FRS2: variants seen among roughly 807,000 people sequenced by gnomAD.
FRS2 encodes FGFR signalling adaptor.
A neutral mutation model predicts 43.9 loss-of-function variants in FRS2; 8 were observed. The ratio of observed to expected loss-of-function variants is 0.18; its 90% CI spans 0.11 to 0.33. The LOEUF (loss-of-function observed/expected upper bound fraction) is 0.33. FRS2 is among the 10% of genes least tolerant of loss of function. The probability of loss-of-function intolerance (pLI) is 1.00; values close to 1 mark genes in which losing one functional copy is unlikely to be tolerated. For synonymous variants in FRS2, 219 were observed against 220.3 expected (o/e 0.99, Z 0.05); for missense variants, 534 against 627.6 (o/e 0.85, Z 1.59).
At position 69,495,095 on chromosome 12, in the gene FRS2, C is replaced by T. The variant is rs117010946; in HGVS notation, c.-261+24565C>T. On this transcript the variant is annotated intron_variant, in intron 1 of 8. Transcript: ENST00000549921. ...CGCTTCTAGGTTTTAATTCAGTATTCCCTGGTATCGATATGAGGACTAAAT... is the reference window on the plus strand; with the variant it reads ...CGCTTCTAGGTTTTAATTCAGTATTTCCTGGTATCGATATGAGGACTAAAT... 7.3e-3 allele frequency among the ~76,000 whole-genome samples: 1,104 copies of T among 152,138 alleles called. 8 individuals are homozygous for T. Among genetic ancestry groups the T allele is most frequent in the South Asian group, 0.019 (92 of 4,820 alleles).
intron 3 of FRS2, among the ~76,000 whole-genome samples, chr12:69,555,916 A>G (rs946934788): frequency 6.6e-6 from 1 of 151,232 alleles, no homozygotes; most frequent in Non-Finnish European, 1.5e-5. Flanking sequence ...AAATGCAGAA[A>G]CATTTAAATG....
At chr12:69,484,998 C>G (rs1871702498) in intron 1 of FRS2, among the ~76,000 whole-genome samples, 1 of 150,866 alleles carries the variant, frequency 6.6e-6, no homozygotes, top group Non-Finnish European at 1.5e-5. Context: ...GTGGTCCCAG[C>G]TACTTGAGAG....
chr12:69,517,741 A>G (rs1875200267), intron 1 of FRS2, among the ~76,000 whole-genome samples: 1 of 152,178 alleles, frequency 6.6e-6, no homozygotes, highest in Non-Finnish European at 1.5e-5. Flanking sequence ...TATGTTATAC[A>G]TGTATTAAGC....
intron 4 of FRS2, among the ~76,000 whole-genome samples, chr12:69,567,553 A>G (rs1057051806): frequency 1.3e-5 from 2 of 151,582 alleles, no homozygotes; most frequent in East Asian, 3.9e-4. Context: ...ATAAACAGAT[A>G]CCTGCCACAA....
intron 1 of FRS2, among the ~76,000 whole-genome samples, chr12:69,507,750 C>T (rs971613473): frequency 2.6e-5 from 4 of 152,094 alleles, no homozygotes; most frequent in African/African-American, 9.7e-5. Flanking sequence ...TGCAGCCGGG[C>T]CCGGTGGCTC....
At chr12:69,531,052 G>T (rs573509990) in intron 2 of FRS2, 92 bp downstream of exon 2, 1 of 151,680 alleles carries the variant, frequency 6.6e-6, no homozygotes, top group Admixed American at 6.6e-5. Flanking sequence ...TAGACAGGCT[G>T]GGCATGGTGG....
At position 69,472,071 on chromosome 12, in the gene FRS2, T is replaced by C. The variant is rs547133380; in HGVS notation, c.-261+1541T>C. On this transcript the variant is annotated intron_variant, in intron 1 of 8. Coordinates refer to ENST00000549921, the MANE Select transcript of FRS2 (RefSeq NM_001278356.2). ...AGAGATTAGCTGCACAACTTTTCTTTTTCCTCTTCCTTTCTTTTCTTTTTT... is the reference window on the plus strand; with the variant it reads ...AGAGATTAGCTGCACAACTTTTCTTCTTCCTCTTCCTTTCTTTTCTTTTTT... Among the ~76,000 whole-genome samples, 9 of 152,226 alleles carry C rather than the reference T, an allele frequency of 5.9e-5. No homozygotes were observed. The East Asian group carries it at 1.7e-3, about 29-fold the overall frequency.
chr12:69,538,197 T>TATATATATATAGA (rs1555189565), intron 3 of FRS2, among the ~76,000 whole-genome samples: 1 of 81,638 alleles, frequency 1.2e-5, no homozygotes, highest in African/African-American at 5.5e-5. Flanking sequence ...AAAACAAATT[T>TATATATATATAGA]TATATATATA....
At chr12:69,505,916 C>G (rs1007442166) in intron 1 of FRS2, among the ~76,000 whole-genome samples, 5 of 152,116 alleles carry the variant, frequency 3.3e-5, no homozygotes, top group Non-Finnish European at 5.9e-5. Flanking sequence ...TTATTTTCAC[C>G]TTTGGTTGAT....
Position 69,572,147 on chromosome 12 carries a change from A to C in FRS2, c.442A>C (p.Asn148His). Residue 148 changes from asparagine (N) to histidine (H), a missense_variant, in exon 8 of 9, where the codon AAT (asparagine) becomes CAT (histidine). This residue lies in a region of FRS2 where 446 missense variants were observed against 494.2 expected (regional missense o/e 0.90). Transcript: ENST00000549921. ...TPGFAAQNLP[N>H]GYPRYPSFGD... ...AGGATTTGCTGCTCAGAACTTACCT[A>C]ATGGATATCCCCGATATCCCTCATT... The C allele has an allele frequency of 6.2e-7, 1 of 1,613,662 alleles. No individual in the cohort carries two copies. Among genetic ancestry groups the C allele is most frequent in the Non-Finnish European group, 8.5e-7 (1 of 1,179,642 alleles).
intron 1 of FRS2, among the ~76,000 whole-genome samples, chr12:69,524,179 G>A (rs1460470182): frequency 3.3e-5 from 5 of 152,118 alleles, no homozygotes; most frequent in Non-Finnish European, 7.4e-5. Flanking sequence ...GGCGGCAGGG[G>A]CTGGTGGTCT....
At chr12:69,544,830 A>G (rs1878230332) in intron 3 of FRS2, among the ~76,000 whole-genome samples, 1 of 152,190 alleles carries the variant, frequency 6.6e-6, no homozygotes, top group Non-Finnish European at 1.5e-5. Context: ...TTCCTCTAAG[A>G]TCAGGAACAA....
At chr12:69,567,153 T>C (rs975013439) in intron 4 of FRS2, among the ~76,000 whole-genome samples, 11 of 151,140 alleles carry the variant, frequency 7.3e-5, no homozygotes, top group African/African-American at 2.4e-4. Flanking sequence ...CAGTGCATTA[T>C]CTATTTACAT....
intron 1 of FRS2, among the ~76,000 whole-genome samples, chr12:69,488,189 T>C (rs1872129627): frequency 6.6e-6 from 1 of 152,212 alleles, no homozygotes; most frequent in African/African-American, 2.4e-5. Flanking sequence ...AGTTCTACTG[T>C]GGGTAAAATG....
intron 1 of FRS2, among the ~76,000 whole-genome samples, chr12:69,484,364 C>G (rs1466114898): frequency 6.6e-6 from 1 of 152,138 alleles, no homozygotes; most frequent in African/African-American, 2.4e-5. Context: ...GATTACAAGT[C>G]TGAGCCACTG....
rs35353764 is a variant in FRS2 at position 69,552,302 on chromosome 12, CAAAAAAAAA to C, written c.-121-9861_-121-9853del. On this transcript the variant is annotated intron_variant, in intron 3 of 8. Transcript: ENST00000549921. ...GGGCAACAAGAGCGAAACTCCGTCT[CAAAAAAAAA>C]AAAAAAAAAAAAAAAATCATGTCTC... Among the ~76,000 whole-genome samples the C allele has an allele frequency of 5.8e-5, 3 of 51,380 alleles. No homozygotes were observed. In the East Asian group the frequency reaches 1.5e-3, roughly 26 times the overall value. 33.7% of individuals were successfully genotyped at this position (51,380 alleles called of 152,430 possible).
intron 1 of FRS2, among the ~76,000 whole-genome samples, chr12:69,530,386 A>G (rs935009144): frequency 6.6e-6 from 1 of 151,762 alleles, no homozygotes; most frequent in African/African-American, 2.4e-5. Context: ...CCAGTTTTCT[A>G]TCTCTCCCAC....
At chr12:69,551,088 T>C (rs1479567219) in intron 3 of FRS2, among the ~76,000 whole-genome samples, 1 of 152,164 alleles carries the variant, frequency 6.6e-6, no homozygotes, top group Non-Finnish European at 1.5e-5. Flanking sequence ...TTCTCAAAGT[T>C]GCTTTCAAAT....
intron 3 of FRS2, among the ~76,000 whole-genome samples, chr12:69,546,369 C>T (rs556213891): frequency 2.6e-5 from 4 of 152,084 alleles, no homozygotes; most frequent in East Asian, 1.9e-4. Flanking sequence ...GTGATTCTTA[C>T]GTCTCAGCCT....
Sources: gnomAD v4.1 joint callset for allele counts (sites outside exome capture counted in the v4.1 genomes callset) on GRCh38, gnomAD v4.1.1 for gene constraint, gnomAD v4.1.1 regional missense constraint, MANE v1.5 for transcripts, NCBI Gene and HGNC (gene_info 2026-07-23, HGNC 2026-07-21) for gene names.